Variants in GOLGB1 observed in about 807,000 individuals in gnomAD.
GOLGB1 encodes the protein golgin subfamily B member 1.
A neutral mutation model predicts 336.9 loss-of-function variants in GOLGB1; 174 were observed. That is an observed-to-expected ratio of 0.52 (90% confidence interval 0.46 to 0.59). The LOEUF is 0.59. Among genes scored for constraint, GOLGB1 ranks in the 20% least tolerant of loss-of-function variants. GOLGB1 has a pLI of 0.00. For missense variants in GOLGB1, 3,331 were observed against 3,645.3 expected (o/e 0.91, Z 2.22); for synonymous variants, 1,208 against 1,289.2 (o/e 0.94, Z 1.35).
rs201169960 is a variant in GOLGB1 at position 121,695,459 on chromosome 3, T to G, written c.5064A>C (p.Lys1688Asn). The change falls in exon 13 of 22, where the codon AAA becomes AAC. Residue 1688 changes from lysine (K) to asparagine (N), a missense_variant. By Grantham distance (94) the Lys-to-Asn change is moderately conservative. Transcript: ENST00000614479. ...EMKEKMRKFA[K>N]SKQQKILELE... ...GCTCTAGGATTTTCTGCTGTTTAGA[T>G]TTAGCAAACTTTCTCATCTTTTCTT... 1.8e-4 allele frequency: 289 copies of G among 1,614,014 alleles called. No homozygotes were observed. The highest frequency in any genetic ancestry group is 1.9e-4 in the Non-Finnish European group (226 of 1,180,026).
Position 121,695,537 on chromosome 3 carries a change from CTT to C in GOLGB1, c.4984_4985del (p.Lys1662GlufsTer11). 6.2e-7 allele frequency: 1 copy of C among 1,614,076 alleles called. No homozygotes were observed. Among genetic ancestry groups the C allele is most frequent in the Non-Finnish European group, 8.5e-7 (1 of 1,179,996 alleles). On this transcript the variant is annotated frameshift_variant, in exon 13 of 22. Transcript: ENST00000614479. LOFTEE classifies it high-confidence loss of function. ...CCTGCAACTGCTTTTCTGTCTCCTT[CTT>C]GTTTGCCTCTGTGCTTCTTAACTTG... ...YGKLRSTEAN[K>X]KETEKQLQEA... is the part of the protein sequence containing the mutation.
intron 4 of GOLGB1, among the ~76,000 whole-genome samples, chr3:121,728,690 C>T (rs928453190): frequency 6.6e-6 from 1 of 152,228 alleles, no homozygotes; most frequent in Non-Finnish European, 1.5e-5. Flanking sequence ...TAGTGAGCCT[C>T]CCTTTTAGAG....
Position 121,677,287 on chromosome 3 carries a change from G to C in GOLGB1, c.9037C>G (p.Gln3013Glu), listed in dbSNP as rs529915841. The change falls in exon 16 of 22, where the codon CAG becomes GAG. Residue 3013 changes from glutamine (Q) to glutamate (E), a missense_variant and splice_region_variant. Gln to Glu is a conservative substitution (Grantham distance 29). Transcript: ENST00000614479. ...TQPLKVQYQR[Q>E]ASPETSASPD... is the part of the protein sequence containing the mutation. ...CAATCAGCATTGAAATTACTCACCTGTCTTTGGTATTGCACTTTGAGAGGC... is the reference window on the plus strand; with the variant it reads ...CAATCAGCATTGAAATTACTCACCTCTCTTTGGTATTGCACTTTGAGAGGC... 3 of 1,601,434 alleles carry C rather than the reference G, an allele frequency of 1.9e-6. No individual in the cohort carries two copies. The highest frequency in any genetic ancestry group is 2.7e-5 in the African/African-American group (2 of 74,670).
At chr3:121,736,925 G>A (rs1415332064) in intron 1 of GOLGB1, among the ~76,000 whole-genome samples, 2 of 147,964 alleles carry the variant, frequency 1.4e-5, no homozygotes, top group African/African-American at 2.5e-5. Flanking sequence ...ATAAATAAAC[G>A]CAAGGCAGTA....
In GOLGB1 at chr3:121,669,202, C is replaced by T. The variant is rs1167906377; in HGVS notation, c.9321+10G>A. The T allele has an allele frequency of 3.1e-6, 5 of 1,613,310 alleles. No individual in the cohort carries two copies. The South Asian group carries it at 5.5e-5, about 18-fold the overall frequency. Reference sequence around the variant, plus strand: ...CACTTCTCCCAGTCTCTCACCTTCTCTTTACTCACCGCCTGCAGCTCTTGA... The same window carrying T: ...CACTTCTCCCAGTCTCTCACCTTCTTTTTACTCACCGCCTGCAGCTCTTGA... On this transcript the variant is annotated intron_variant, in intron 18 of 21. Transcript: ENST00000614479.
intron 20 of GOLGB1, among the ~76,000 whole-genome samples, chr3:121,666,026 GC>G (rs1425290972): frequency 6.6e-6 from 1 of 152,236 alleles, no homozygotes; most frequent in Admixed American, 6.5e-5. Flanking sequence ...CTTTTCAGAA[GC>G]AGCTTTGATC....
rs779641750 is a variant in GOLGB1, at chr3:121,696,033, C to T, written c.4490G>A (p.Arg1497Gln). The change falls in exon 13 of 22, where the codon CGA becomes CAA. Residue 1497 changes from arginine (R) to glutamine (Q), a missense_variant. By Grantham distance (43) the Arg-to-Gln change is conservative (BLOSUM62 1). Transcript: ENST00000614479. ...QRKLQAALIS[R>Q]KEALKENKSL... Reference sequence around the variant, plus strand: ...TTTGTTTTCTTTTAGTGCTTCTTTTCGGGAAATAAGGGCAGCTTGCAGTTT... The same window carrying T: ...TTTGTTTTCTTTTAGTGCTTCTTTTTGGGAAATAAGGGCAGCTTGCAGTTT... The T allele has an allele frequency of 3.7e-6, 6 of 1,614,034 alleles. No individual in the cohort carries two copies. Among genetic ancestry groups the T allele is most frequent in the East Asian group, 2.2e-5 (1 of 44,884 alleles).
At chr3:121,737,673 CAAG>C (rs1459631816) in intron 1 of GOLGB1, among the ~76,000 whole-genome samples, 1 of 150,904 alleles carries the variant, frequency 6.6e-6, no homozygotes, top group Non-Finnish European at 1.5e-5. Context: ...AAAACCTCAG[CAAG>C]AAGAAATATA....
In GOLGB1 at chr3:121,664,464, A is replaced by G; in HGVS notation, c.*16T>C. On this transcript the variant is annotated 3_prime_UTR_variant, in exon 22 of 22. Transcript: ENST00000614479. ...CCAAGTTTTGAGGGGAGTGGTCCAA[A>G]GAGTAACAACTAAGTCTATAGATGG... is the stretch of plus-strand genomic sequence containing the variant. The G allele has an allele frequency of 1.9e-6, 3 of 1,610,860 alleles. No individual in the cohort carries two copies. The South Asian group carries it at 3.3e-5, about 18-fold the overall frequency.
At position 121,692,058 on chromosome 3, in the gene GOLGB1, TCTC is replaced by T. The variant is rs1942482803; in HGVS notation, c.7303_7305del (p.Glu2435del). 1 of 1,612,514 alleles carries T rather than the reference TCTC, an allele frequency of 6.2e-7. No homozygotes were observed. Among genetic ancestry groups the T allele is most frequent in the Non-Finnish European group, 8.5e-7 (1 of 1,179,662 alleles). On this transcript the variant is annotated inframe_deletion, in exon 14 of 22. Coordinates refer to ENST00000614479, the MANE Select transcript of GOLGB1 (RefSeq NM_001366282.2). ...TTGGTTTTATCAACAGCCTTTTTGT[TCTC>T]CTCTTCTAAAACAATATTCTCCTCT...
At chr3:121,729,787 G>C in intron 3 of GOLGB1, 78 bp downstream of exon 3, 2 of 1,044,066 alleles carry the variant, frequency 1.9e-6, no homozygotes, top group Non-Finnish European at 2.9e-6. Context: ...AATCTAAGTG[G>C]AGACAAAAAT....
chr3:121,720,836 T>C (rs1366077683), intron 6 of GOLGB1, among the ~76,000 whole-genome samples: 2 of 152,228 alleles, frequency 1.3e-5, no homozygotes, highest in African/African-American at 4.8e-5. Flanking sequence ...ATATTATCTA[T>C]ATATCATGGT....
rs543008882 is a variant in GOLGB1 at position 121,745,743 on chromosome 3, A to C, written c.-3+3889T>G. On this transcript the variant is annotated intron_variant, in intron 1 of 21. Transcript: ENST00000614479. The stretch of plus-strand genomic sequence containing the variant: ...AAACACAGAGCTTCATGCCAAGGCC[A>C]GGGATTCCATAAAACACTAAGGCAA... Among the ~76,000 whole-genome samples the C allele has an allele frequency of 5.9e-5, 9 of 152,352 alleles. No homozygotes were observed. The South Asian group carries it at 1.9e-3, about 32-fold the overall frequency.
At chr3:121,721,369 G>A (rs1041736350) in intron 6 of GOLGB1, among the ~76,000 whole-genome samples, 2 of 152,106 alleles carry the variant, frequency 1.3e-5, no homozygotes, top group Non-Finnish European at 2.9e-5. Flanking sequence ...TACAGTGCCT[G>A]TAATCCCAGC....
At chr3:121,735,112 G>C (rs1234025191) in intron 1 of GOLGB1, among the ~76,000 whole-genome samples, 1 of 152,164 alleles carries the variant, frequency 6.6e-6, no homozygotes, top group East Asian at 1.9e-4. Flanking sequence ...CACAAATATA[G>C]TTGTCAGGGC....
intron 17 of GOLGB1, among the ~76,000 whole-genome samples, chr3:121,671,128 C>G (rs1309353653): frequency 1.3e-5 from 2 of 152,296 alleles, no homozygotes; most frequent in Middle Eastern, 3.4e-3. Flanking sequence ...AAAGACCATA[C>G]AGTCAACAAA....
chr3:121,697,762 G>C lies in GOLGB1; in HGVS notation c.2761C>G (p.Gln921Glu). 6.2e-7 allele frequency: 1 copy of C among 1,613,872 alleles called. No individual in the cohort carries two copies. ...AGAGAAAACTTCTCTTCATTAAGCTGAACCATTTTCTCAGTCATACTAAAG... is the reference window on the plus strand; with the variant it reads ...AGAGAAAACTTCTCTTCATTAAGCTCAACCATTTTCTCAGTCATACTAAAG... Reference protein sequence around the residue: ...ISFSMTEKMVQLNEEKFSLGV... With the variant: ...ISFSMTEKMVELNEEKFSLGV... Residue 921 changes from glutamine to glutamate, a missense_variant, in exon 13 of 22, where the codon CAG becomes GAG. Physicochemically the swap from Gln to Glu is conservative, Grantham distance 29. Transcript: ENST00000614479.
At position 121,716,807 on chromosome 3, in the gene GOLGB1, T is replaced by C. The variant is rs144490758; in HGVS notation, c.1218A>G (p.Gln406=). 382 of 1,613,670 alleles carry C rather than the reference T, an allele frequency of 2.4e-4. 5 individuals are homozygous for C. In the South Asian group the frequency reaches 3.1e-3, roughly 13 times the overall value. The stretch of plus-strand genomic sequence containing the variant: ...TCTTATCTTGGAGAAGCTTTGAATT[T>C]TGATCCTTTAGAGCATCACAGGCAG... ...LQSACDALKD[Q]NSKLLQDKNE... is the part of the protein sequence containing the mutation. Residue 406 remains glutamine, a synonymous_variant, in exon 9 of 22, where the codon CAA becomes CAG. Coordinates refer to ENST00000614479, the MANE Select transcript of GOLGB1 (RefSeq NM_001366282.2).
At position 121,692,033 on chromosome 3, in the gene GOLGB1, T is replaced by C. The variant is rs373030191; in HGVS notation, c.7331A>G (p.Asn2444Ser). The change falls in exon 14 of 22, where the codon AAT becomes AGT. Residue 2444 changes from asparagine to serine, a missense_variant. Coordinates refer to ENST00000614479, the MANE Select transcript of GOLGB1 (RefSeq NM_001366282.2). ...GGTTTTCAGTGTTTCCATAAGCTGA[T>C]TGGTTTTATCAACAGCCTTTTTGTT... ...EENKKAVDKT[N>S]QLMETLKTIK... is the part of the protein sequence containing the mutation. 26 of 1,613,026 alleles carry C rather than the reference T, an allele frequency of 1.6e-5. No homozygotes were observed. Among genetic ancestry groups the C allele is most frequent in the East Asian group, 6.7e-5 (3 of 44,892 alleles).
Sources: allele counts gnomAD v4.1 joint callset (sites outside exome capture counted in the v4.1 genomes callset), GRCh38; gene constraint gnomAD v4.1.1; transcripts MANE v1.5; gene names NCBI Gene and HGNC (gene_info 2026-07-23, HGNC 2026-07-21).